Variants in ZNF80 observed in about 807,000 individuals in gnomAD.
ZNF80 encodes the protein ZNFPT17.
For missense variants in ZNF80, 394 were observed against 334.1 expected (o/e 1.18, Z -1.40); for synonymous variants, 132 against 119.4 (o/e 1.11, Z -0.69).
At position 114,237,534 on chromosome 3, in the gene ZNF80, C is replaced by T. The variant is rs2078211099; in HGVS notation, c.-460G>A. On this transcript the variant is annotated 5_prime_UTR_variant, in exon 1 of 1. In the 5' UTR this introduces an upstream ATG that the reference lacks. Transcript: ENST00000482457. Reference sequence around the variant, plus strand: ...AAAGAGCGAAAGAACAAAGCTTCCACAGTGTGGAAAGGGACCCCAGCGGGT... The same window carrying T: ...AAAGAGCGAAAGAACAAAGCTTCCATAGTGTGGAAAGGGACCCCAGCGGGT... 1 of 154,990 alleles carries T rather than the reference C, an allele frequency of 6.5e-6. No homozygotes were observed. Among genetic ancestry groups the T allele is most frequent in the Non-Finnish European group, 1.4e-5 (1 of 69,914 alleles). 9.6% of individuals were successfully genotyped at this position (154,990 alleles called of 1,614,324 possible).
rs1242154318 is a variant in ZNF80, at chr3:114,235,330, G to A, written c.*923C>T. Reference sequence around the variant, plus strand: ...AACACAGCTTCACCATCATTCTCTCGTCCCTGAGAAAATAAATCAAAACAA... The same window carrying A: ...AACACAGCTTCACCATCATTCTCTCATCCCTGAGAAAATAAATCAAAACAA... On this transcript the variant is annotated 3_prime_UTR_variant, in exon 1 of 1. Transcript: ENST00000482457. 6 of 152,256 alleles carry A rather than the reference G, an allele frequency of 3.9e-5. No homozygotes were observed. In the South Asian group the frequency reaches 6.2e-4, roughly 16 times the overall value. The allele number at this position is 152,256 out of a possible 1,614,324, so 9.4% of individuals were successfully genotyped here.
At position 114,237,118 on chromosome 3, in the gene ZNF80, A is replaced by T; in HGVS notation, c.-44T>A. The T allele has an allele frequency of 6.5e-7, 1 of 1,527,612 alleles. No individual in the cohort carries two copies. The highest frequency in any genetic ancestry group is 2.2e-5 in the East Asian group (1 of 44,498). 94.6% of individuals were successfully genotyped at this position (1,527,612 alleles called of 1,614,324 possible). On this transcript the variant is annotated 5_prime_UTR_variant, in exon 1 of 1. The change abolishes the stop of an existing upstream ORF in the 5' untranslated region. Transcript: ENST00000482457. ...CGTGTGGGAGACTGCAGCCAAACTC[A>T]AGTGCCCTTCTGCATTTCCAACTGT...
Position 114,236,775 on chromosome 3 carries a change from T to C in ZNF80, c.300A>G (p.Thr100=). 1.9e-6 allele frequency: 3 copies of C among 1,614,120 alleles called. No homozygotes were observed. The highest frequency in any genetic ancestry group is 2.5e-6 in the Non-Finnish European group (3 of 1,180,002). The change falls in exon 1 of 1, where the codon ACA becomes ACG. Residue 100 remains threonine, a synonymous_variant. Coordinates refer to ENST00000482457, the MANE Select transcript of ZNF80 (RefSeq NM_007136.4). ...VDFVRPMRIH[T]GEKPCKCVEC... ...CCACGCACTTACAGGGCTTCTCCCC[T>C]GTGTGAATCCTCATGGGTCGAACGA...
In ZNF80 at chr3:114,236,923, C is replaced by T; in HGVS notation, c.152G>A (p.Cys51Tyr). 6.2e-7 allele frequency: 1 copy of T among 1,614,096 alleles called. No homozygotes were observed. The highest frequency in any genetic ancestry group is 2.2e-5 in the East Asian group (1 of 44,894). ...TLVREGKTYKCKECGSVFNKN... is the reference protein window; with the variant it reads ...TLVREGKTYKYKECGSVFNKN... ...GTTAAACACGCTCCCACATTCCTTGCATTTGTAGGTCTTCCCCTCACGAAC... is the reference window on the plus strand; with the variant it reads ...GTTAAACACGCTCCCACATTCCTTGTATTTGTAGGTCTTCCCCTCACGAAC... Residue 51 changes from cysteine to tyrosine, a missense_variant, in exon 1 of 1, where the codon TGC (cysteine) becomes TAC (tyrosine). Transcript: ENST00000482457.
In ZNF80 at chr3:114,236,208, GAA is replaced by G. The variant is rs11316836; in HGVS notation, c.*43_*44del. 22,356 of 1,145,138 alleles carry G rather than the reference GAA, an allele frequency of 0.02. 15 individuals are homozygous for G. The highest frequency in any genetic ancestry group is 0.031 in the African/African-American group (1,857 of 60,214). The allele number at this position is 1,145,138 out of a possible 1,614,324, so 70.9% of individuals were successfully genotyped here. A position where few individuals can be genotyped will look rare whatever the true frequency, so the allele number is the denominator to read the frequency against. Reference sequence around the variant, plus strand: ...TCAGTGTGGCTCTCTATGTATCAAAGAAAAAAAAAAAAAGAAAACCCACAAAT... The same window carrying G: ...TCAGTGTGGCTCTCTATGTATCAAAGAAAAAAAAAAAGAAAACCCACAAAT... On this transcript the variant is annotated 3_prime_UTR_variant, in exon 1 of 1. Coordinates refer to ENST00000482457, the MANE Select transcript of ZNF80 (RefSeq NM_007136.4).
In ZNF80 at chr3:114,236,647, C is replaced by A. The variant is rs1352151488; in HGVS notation, c.428G>T (p.Ser143Ile). The A allele has an allele frequency of 1.9e-6, 3 of 1,614,086 alleles. No individual in the cohort carries two copies. ...YECSECGKTF[S>I]YHSVFIQHRV... ...ATGCTGGATGAAGACAGAGTGATAG[C>A]TGAAGGTCTTTCCACACTCGCTGCA... The change falls in exon 1 of 1, where the codon AGC (serine) becomes ATC (isoleucine). Residue 143 changes from serine (S) to isoleucine (I), a missense_variant. Ser to Ile is a moderately radical substitution (Grantham distance 142, BLOSUM62 -2). Coordinates refer to ENST00000482457, the MANE Select transcript of ZNF80 (RefSeq NM_007136.4).
At position 114,236,585 on chromosome 3, in the gene ZNF80, T is replaced by C; in HGVS notation, c.490A>G (p.Lys164Glu). The C allele has an allele frequency of 6.2e-7, 1 of 1,614,000 alleles. No homozygotes were observed. Reference sequence around the variant, plus strand: ...TAGTAAAAGGTTTTTCCACATTCTTTGCACCCAAAGAGTTTTTCTCCAGTG... The same window carrying C: ...TAGTAAAAGGTTTTTCCACATTCTTCGCACCCAAAGAGTTTTTCTCCAGTG... ...THTGEKLFGC[K>E]ECGKTFYYNS... Residue 164 changes from lysine (K) to glutamate (E), a missense_variant, in exon 1 of 1, where the codon AAA becomes GAA. Lys to Glu is a moderately conservative substitution (Grantham distance 56). Transcript: ENST00000482457.
In ZNF80 at chr3:114,236,945, G is replaced by T. The variant is rs143027025; in HGVS notation, c.130C>A (p.Arg44Ser). 3.1e-6 allele frequency: 5 copies of T among 1,614,016 alleles called. No individual in the cohort carries two copies. The African/African-American group carries it at 6.7e-5, about 22-fold the overall frequency. ...TTGCATTTGTAGGTCTTCCCCTCAC[G>T]AACCAAAGTGTCTTTACTTGGTCCC... ...SQGPSKDTLVREGKTYKCKEC... is the reference protein window; with the variant it reads ...SQGPSKDTLVSEGKTYKCKEC... Residue 44 changes from arginine (R) to serine (S), a missense_variant, in exon 1 of 1, where the codon CGT (arginine) becomes AGT (serine). Transcript: ENST00000482457.
At chr3:114,236,443 TG>T in exon 1 of ZNF80, 1 of 1,612,612 alleles carries the variant, frequency 6.2e-7, no homozygotes, top group East Asian at 2.2e-5. Flanking sequence ...TCCTGCAGTG[TG>T]GGTCATACTA....
At position 114,236,229 on chromosome 3, in the gene ZNF80, C is replaced by T. The variant is rs1428321453; in HGVS notation, c.*24G>A. ...CAAAGAAAAAAAAAAAAAGAAAACC[C>T]ACAAATTCCCACATCATTTGCACTC... On this transcript the variant is annotated 3_prime_UTR_variant, in exon 1 of 1. Coordinates refer to ENST00000482457, the MANE Select transcript of ZNF80 (RefSeq NM_007136.4). The T allele has an allele frequency of 6.6e-7, 1 of 1,517,734 alleles. No individual in the cohort carries two copies. The highest frequency in any genetic ancestry group is 2.2e-5 in the Admixed American group (1 of 45,380). The allele number at this position is 1,517,734 out of a possible 1,614,324, so 94.0% of individuals were successfully genotyped here.
rs143414946 is a variant in ZNF80 at position 114,236,776 on chromosome 3, G to T, written c.299C>A (p.Thr100Lys). 5 of 1,614,132 alleles carry T rather than the reference G, an allele frequency of 3.1e-6. No individual in the cohort carries two copies. Among genetic ancestry groups the T allele is most frequent in the Non-Finnish European group, 4.2e-6 (5 of 1,180,004 alleles). Reference protein sequence around the residue: ...VDFVRPMRIHTGEKPCKCVEC... With the variant: ...VDFVRPMRIHKGEKPCKCVEC... The stretch of plus-strand genomic sequence containing the variant: ...CACGCACTTACAGGGCTTCTCCCCT[G>T]TGTGAATCCTCATGGGTCGAACGAA... Residue 100 changes from threonine to lysine, a missense_variant, in exon 1 of 1, where the codon ACA becomes AAA. Transcript: ENST00000482457.
rs1171965105 is a variant in ZNF80 at position 114,236,239 on chromosome 3, C to G, written c.*14G>C. On this transcript the variant is annotated 3_prime_UTR_variant, in exon 1 of 1. Coordinates refer to ENST00000482457, the MANE Select transcript of ZNF80 (RefSeq NM_007136.4). ...AAAAAAAAGAAAACCCACAAATTCC[C>G]ACATCATTTGCACTCAAAGGTTTTT... 1.0e-5 allele frequency: 16 copies of G among 1,538,306 alleles called. No homozygotes were observed. Among genetic ancestry groups the G allele is most frequent in the Non-Finnish European group, 1.4e-5 (16 of 1,144,074 alleles).
chr3:114,237,415 GC>G lies in ZNF80; in HGVS notation c.-342del. ...TCCCGGTGGGCTCGTGGTCTCGCTG[GC>G]TTCAGGAGTGAAGCTGCAGACGTTT... is the stretch of plus-strand genomic sequence containing the variant. On this transcript the variant is annotated 5_prime_UTR_variant, in exon 1 of 1. Coordinates refer to ENST00000482457, the MANE Select transcript of ZNF80 (RefSeq NM_007136.4). 4.8e-6 allele frequency: 1 copy of G among 207,618 alleles called. No homozygotes were observed. The allele number at this position is 207,618 out of a possible 1,614,324, so 12.9% of individuals were successfully genotyped here.
rs553562816 is a variant in ZNF80 at position 114,237,147 on chromosome 3, C to T, written c.-73G>A. On this transcript the variant is annotated 5_prime_UTR_variant, in exon 1 of 1. Transcript: ENST00000482457. ...GCCCTTCTGCATTTCCAACTGTGTC[C>T]GGAATTGGTGGGTTCTTGGTCTCAC... The T allele has an allele frequency of 1.4e-4, 190 of 1,396,636 alleles. No individual in the cohort carries two copies. The highest frequency in any genetic ancestry group is 1.7e-4 in the Non-Finnish European group (174 of 1,014,716). 86.5% of individuals were successfully genotyped at this position (1,396,636 alleles called of 1,614,324 possible).
chr3:114,237,043 C>A lies in ZNF80; in HGVS notation c.32G>T (p.Gly11Val). Residue 11 changes from glycine to valine, a missense_variant, in exon 1 of 1, where the codon GGT (glycine) becomes GTT (valine). Transcript: ENST00000482457. MSPKRDGLGT[G>V]DGLHSQVLQE... ...TAAAACCTGTGAGTGCAGACCATCA[C>A]CTGTCCCCAACCCATCGCGTTTAGG... 1 of 1,609,604 alleles carries A rather than the reference C, an allele frequency of 6.2e-7. No homozygotes were observed.
Position 114,235,770 on chromosome 3 carries a change from A to G in ZNF80, c.*483T>C, listed in dbSNP as rs1220408034. ...GAACTGAATTCAAATTTTGATAGGC[A>G]TGGCTTTCAGAGAAGTCTGACAGAA... On this transcript the variant is annotated 3_prime_UTR_variant, in exon 1 of 1. Coordinates refer to ENST00000482457, the MANE Select transcript of ZNF80 (RefSeq NM_007136.4). The G allele has an allele frequency of 6.5e-6, 1 of 153,142 alleles. No individual in the cohort carries two copies. Among genetic ancestry groups the G allele is most frequent in the Non-Finnish European group, 1.5e-5 (1 of 68,798 alleles). The allele number at this position is 153,142 out of a possible 1,614,324, so 9.5% of individuals were successfully genotyped here.
At position 114,236,589 on chromosome 3, in the gene ZNF80, C is replaced by A; in HGVS notation, c.486G>T (p.Gly162=). 1 of 1,614,002 alleles carries A rather than the reference C, an allele frequency of 6.2e-7. No homozygotes were observed. The highest frequency in any genetic ancestry group is 2.2e-5 in the East Asian group (1 of 44,876). The change falls in exon 1 of 1, where the codon GGG becomes GGT. Residue 162 remains glycine (G), a synonymous_variant. Coordinates refer to ENST00000482457, the MANE Select transcript of ZNF80 (RefSeq NM_007136.4). ...AAAAGGTTTTTCCACATTCTTTGCA[C>A]CCAAAGAGTTTTTCTCCAGTGTGGG... ...RVTHTGEKLF[G]CKECGKTFYY...
exon 1 of ZNF80, chr3:114,236,365 CT>C: frequency 6.2e-7 from 1 of 1,612,518 alleles, no homozygotes; most frequent in Non-Finnish European, 8.5e-7. Context: ...AGTGTGACTC[CT>C]TGTATGTCGA....
In ZNF80 at chr3:114,236,917, T is replaced by A. The variant is rs1407327732; in HGVS notation, c.158A>T (p.Glu53Val). The part of the protein sequence containing the change: ...VREGKTYKCK[E>V]CGSVFNKNSL... ...GTTTTTGTTAAACACGCTCCCACAT[T>A]CCTTGCATTTGTAGGTCTTCCCCTC... The change falls in exon 1 of 1, where the codon GAA (glutamate) becomes GTA (valine). Residue 53 changes from glutamate to valine, a missense_variant. By Grantham distance (121) the Glu-to-Val change is moderately radical. Transcript: ENST00000482457. 5 of 1,614,088 alleles carry A rather than the reference T, an allele frequency of 3.1e-6. No homozygotes were observed. The East Asian group carries it at 8.9e-5, about 29-fold the overall frequency.
Sources: gnomAD v4.1 joint callset for allele counts on GRCh38, gnomAD v4.1.1 for gene constraint, MANE v1.5 for transcripts, NCBI Gene and HGNC (gene_info 2026-07-23, HGNC 2026-07-21) for gene names.